The following SLK variants were observed in gnomAD, a reference collection of about 807,000 sequenced individuals.
The protein encoded by SLK is STE20-like serine/threonine-protein kinase.
Under a neutral mutation model 147.7 loss-of-function variants are expected in SLK, and 67 were observed. That is an observed-to-expected ratio of 0.45 (90% confidence interval 0.37 to 0.56). The LOEUF is 0.56. Ranked by LOEUF, SLK falls within the 20% of genes least tolerant of loss-of-function variation. The pLI, the probability that SLK is intolerant of heterozygous loss-of-function variation, is 0.00. For missense variants in SLK, 1,136 were observed against 1,438.8 expected, an observed-to-expected ratio of 0.79 and a Z score of 3.41; for synonymous variants, 441 against 475.0, an observed-to-expected ratio of 0.93 and a Z score of 0.93.
chr10:103,994,053 C>T (rs2134477494), intron 4 of SLK, among the ~76,000 whole-genome samples: 1 of 152,080 alleles, frequency 6.6e-6, no homozygotes, highest in African/African-American at 2.4e-5. Context: ...CACCACCACG[C>T]CTGGCGAATT....
Position 103,990,709 on chromosome 10 carries a change from C to G in SLK, c.185C>G (p.Ala62Gly), listed in dbSNP as rs751669856. The change falls in exon 2 of 19, where the codon GCA becomes GGA. Residue 62 changes from alanine (A) to glycine (G), a missense_variant. Ala to Gly is a moderately conservative substitution (Grantham distance 60, BLOSUM62 0). Transcript: ENST00000369755. Reference protein sequence around the residue: ...QNKETSVLAAAKVIDTKSEEE... With the variant: ...QNKETSVLAAGKVIDTKSEEE... Reference sequence around the variant, plus strand: ...AAAGAGACCAGTGTTTTAGCTGCTGCAAAAGTGATTGACACTAAATCTGAA... The same window carrying G: ...AAAGAGACCAGTGTTTTAGCTGCTGGAAAAGTGATTGACACTAAATCTGAA... 6.4e-7 allele frequency: 1 copy of G among 1,569,884 alleles called. No homozygotes were observed. Among genetic ancestry groups the G allele is most frequent in the Non-Finnish European group, 8.6e-7 (1 of 1,161,760 alleles).
At chr10:103,996,564 A>G (rs900163725) in intron 4 of SLK, among the ~76,000 whole-genome samples, 2 of 151,710 alleles carry the variant, frequency 1.3e-5, no homozygotes, top group East Asian at 3.9e-4. Flanking sequence ...ACGCCCAGCT[A>G]ATTTTTTGTA....
intron 12 of SLK, among the ~76,000 whole-genome samples, chr10:104,010,004 T>G (rs1382348963): frequency 1.3e-5 from 2 of 152,164 alleles, no homozygotes; most frequent in Non-Finnish European, 2.9e-5. Context: ...ATAGTTGGAT[T>G]ACAGATCTAT....
chr10:104,023,906 C>A (rs1479838408), intron 18 of SLK, among the ~76,000 whole-genome samples: 1 of 152,184 alleles, frequency 6.6e-6, no homozygotes, highest in African/African-American at 2.4e-5. Flanking sequence ...TCAGTGTTGA[C>A]TAAAGAGTAT....
In SLK at chr10:104,026,547, T is replaced by G. The variant is rs1009158011; in HGVS notation, c.*827T>G. On this transcript the variant is annotated 3_prime_UTR_variant, in exon 19 of 19. Transcript: ENST00000369755. ...TAGCTTTTAGATTGCAAACTGGAAA[T>G]GTAAAACTCATGAAATTTAAGCAAT... 5 of 152,216 alleles carry G rather than the reference T, an allele frequency of 3.3e-5. No individual in the cohort carries two copies. The highest frequency in any genetic ancestry group is 7.3e-5 in the Non-Finnish European group (5 of 68,032). The allele number at this position is 152,216 out of a possible 1,614,324, so 9.4% of individuals were successfully genotyped here. A position where few individuals can be genotyped will look rare whatever the true frequency, so the allele number is the denominator to read the frequency against.
intron 1 of SLK, among the ~76,000 whole-genome samples, chr10:103,989,464 C>CTTTTGTTTTTTTTTTTTT (rs1844060596): frequency 1.3e-5 from 1 of 78,618 alleles, no homozygotes; most frequent in African/African-American, 5.2e-5. Flanking sequence ...GTGGCAGTTT[C>CTTTTGTTTTTTTTTTTTT]TTTTTTTTTT....
chr10:103,992,139 C>CTTTTTTTTTTTT (rs1589532495), intron 2 of SLK, among the ~76,000 whole-genome samples: 66 of 18,088 alleles, frequency 3.6e-3, no homozygotes, highest in Admixed American at 5.8e-3. Flanking sequence ...GGTATTTCTT[C>CTTTTTTTTTTTT]TGTTTTTTTT....
rs1452191671 is a variant in SLK, at chr10:103,999,253, T to TGAATTAAAATAAATTTA, written c.723_724insAATTAAAATAAATTTAG (p.Arg242AsnfsTer2). Reference sequence around the variant, plus strand: ...CCACCTCATCATGAATTAAATCCAATGCGAGTGCTGCTAAAAATAGCAAAA... The same window carrying TGAATTAAAATAAATTTA: ...CCACCTCATCATGAATTAAATCCAATGAATTAAAATAAATTTAGCGAGTGCTGCTAAAAATAGCAAAA... On this transcript the variant is annotated stop_gained and frameshift_variant, in exon 6 of 19. Transcript: ENST00000369755. LOFTEE classifies it high-confidence loss of function. 1 of 1,613,660 alleles carries TGAATTAAAATAAATTTA rather than the reference T, an allele frequency of 6.2e-7. No homozygotes were observed. The highest frequency in any genetic ancestry group is 1.3e-5 in the African/African-American group (1 of 75,024).
At chr10:103,992,767 C>A in intron 3 of SLK, 121 bp downstream of exon 3, 1 of 197,196 alleles carries the variant, frequency 5.1e-6, no homozygotes. Flanking sequence ...AGTAAGTTAA[C>A]TCAAGTATGT....
At chr10:104,005,044 G>A (rs894792107) in intron 9 of SLK, among the ~76,000 whole-genome samples, 1 of 152,020 alleles carries the variant, frequency 6.6e-6, no homozygotes, top group African/African-American at 2.4e-5. Flanking sequence ...CCCAGTGCTG[G>A]CAGTGTTTAA....
chr10:103,997,714 A>T (rs1006021779), intron 4 of SLK, among the ~76,000 whole-genome samples: 21 of 150,830 alleles, frequency 1.4e-4, no homozygotes, highest in Non-Finnish European at 1.5e-5. Flanking sequence ...TTTATTTTAA[A>T]TTTTTTCTGG....
chr10:104,002,741 G>C lies in SLK; in HGVS notation c.1563G>C (p.Gly521=), dbSNP rs375320590. 4.3e-6 allele frequency: 7 copies of C among 1,613,828 alleles called. No homozygotes were observed. The highest frequency in any genetic ancestry group is 5.9e-6 in the Non-Finnish European group (7 of 1,179,992). Residue 521 remains glycine (G), a synonymous_variant, in exon 9 of 19, where the codon GGG becomes GGC. Coordinates refer to ENST00000369755, the MANE Select transcript of SLK (RefSeq NM_014720.4). The part of the protein sequence containing the change: ...ANIQAVDSEV[G]LTKEDTQEKL... ...TTCAGGCAGTTGATAGTGAAGTTGG[G>C]CTTACAAAGGAAGACACCCAAGAGA...
chr10:104,013,809 A>T (rs897566733), intron 13 of SLK, among the ~76,000 whole-genome samples: 2 of 152,228 alleles, frequency 1.3e-5, no homozygotes, highest in African/African-American at 4.8e-5. Context: ...GATGATTGAT[A>T]CATGATAATG....
Position 103,967,776 on chromosome 10 carries a change from A to C in SLK, c.31A>C (p.Lys11Gln), listed in dbSNP as rs1255009565. 6.2e-7 allele frequency: 1 copy of C among 1,614,050 alleles called. No homozygotes were observed. MSFFNFRKIF[K>Q]LGSEKKKKQY... The stretch of plus-strand genomic sequence containing the variant: ...CTTCTTCAATTTCCGTAAGATCTTC[A>C]AGTTGGGGAGCGAGAAGAAGAAGAA... The change falls in exon 1 of 19, where the codon AAG becomes CAG. Residue 11 changes from lysine to glutamine, a missense_variant. Around this residue, in one of 6 missense-constraint regions of SLK, gnomAD observed 126 missense variants for 141.3 expected, o/e 0.89. Transcript: ENST00000369755.
At chr10:103,981,816 A>G (rs75063657) in intron 1 of SLK, among the ~76,000 whole-genome samples, 2 of 152,260 alleles carry the variant, frequency 1.3e-5, no homozygotes, top group East Asian at 3.9e-4. Flanking sequence ...TTCAGGGTCC[A>G]TTGAGATTCC....
intron 1 of SLK, among the ~76,000 whole-genome samples, chr10:103,983,020 G>C (rs2134456192): frequency 6.6e-6 from 1 of 151,270 alleles, no homozygotes; most frequent in South Asian, 2.1e-4. Flanking sequence ...ATTGTTTTCA[G>C]GATTTAAGAA....
intron 2 of SLK, among the ~76,000 whole-genome samples, chr10:103,991,700 T>C (rs968420072): frequency 1.3e-5 from 2 of 151,936 alleles, no homozygotes; most frequent in Non-Finnish European, 1.5e-5. Context: ...CAATTTCTAA[T>C]TGGCAAGCAC....
chr10:104,013,417 T>C lies in SLK; in HGVS notation c.2877+2509T>C, dbSNP rs115015555. On this transcript the variant is annotated intron_variant, in intron 13 of 18. Coordinates refer to ENST00000369755, the MANE Select transcript of SLK (RefSeq NM_014720.4). ...GGGGGTGAATTTTAAAAAAGGGGGT[T>C]CTACTAGCTTAAAAAACAACAGCAA... Among the ~76,000 whole-genome samples, 1,061 of 152,314 alleles carry C rather than the reference T, an allele frequency of 7.0e-3. 13 individuals are homozygous for C. The highest frequency in any genetic ancestry group is 0.024 in the African/African-American group (988 of 41,574).
At chr10:103,995,068 G>A (rs1222055149) in intron 4 of SLK, among the ~76,000 whole-genome samples, 2 of 152,092 alleles carry the variant, frequency 1.3e-5, no homozygotes, top group Admixed American at 6.5e-5. Context: ...TAATGATTTT[G>A]ATATAAACAC....
Sources: gnomAD v4.1 joint callset for allele counts (sites outside exome capture counted in the v4.1 genomes callset) on GRCh38, gnomAD v4.1.1 for gene constraint, gnomAD v4.1.1 regional missense constraint, MANE v1.5 for transcripts, NCBI Gene and HGNC (gene_info 2026-07-23, HGNC 2026-07-21) for gene names.